The following MAPK10 variants were observed in gnomAD, a reference collection of about 807,000 sequenced individuals.
The protein encoded by MAPK10 is mitogen-activated protein kinase 10.
MAPK10 carries 25 observed loss-of-function variants against 59.3 expected under a neutral mutation model. The observed-to-expected ratio is 0.42, with a 90% CI of 0.31 to 0.59. The LOEUF (loss-of-function observed/expected upper bound fraction) is 0.59, where lower values mean the gene tolerates loss of function less well. Among genes scored for constraint, MAPK10 ranks in the 20% least tolerant of loss-of-function variants. The pLI is 0.15. For synonymous variants in MAPK10, 190 were observed against 200.5 expected (o/e 0.95, Z 0.44); for missense variants, 351 against 568.9 (o/e 0.62, Z 3.90).
intron 1 of MAPK10, among the ~76,000 whole-genome samples, chr4:86,436,021 T>C (rs1228866177): frequency 6.6e-6 from 1 of 152,234 alleles, no homozygotes; most frequent in Non-Finnish European, 1.5e-5. Flanking sequence ...TAAAAATTCC[T>C]ATACAGAAGC....
intron 2 of MAPK10, among the ~76,000 whole-genome samples, chr4:86,271,782 C>T (rs1012443685): frequency 2.0e-5 from 3 of 151,994 alleles, no homozygotes; most frequent in African/African-American, 7.2e-5. Flanking sequence ...CCTATAAAAA[C>T]ATCAAATCTC....
chr4:86,447,797 T>C (rs1333670668), intron 1 of MAPK10, among the ~76,000 whole-genome samples: 1 of 152,212 alleles, frequency 6.6e-6, no homozygotes, highest in Non-Finnish European at 1.5e-5. Flanking sequence ...TAAAAATACA[T>C]ATATGTGTGT....
rs1754695585 is a variant in MAPK10, at chr4:86,494,281, A to T, written c.-263+99629T>A. Among the ~76,000 whole-genome samples, 5 of 152,214 alleles carry T rather than the reference A, an allele frequency of 3.3e-5. No individual in the cohort carries two copies. The South Asian group carries it at 1.0e-3, about 32-fold the overall frequency. Reference sequence around the variant, plus strand: ...CAGAAAGGGGCAGTGGAAGTCTGGCAGGACAGCAGTACTCTGGGTCCACAT... The same window carrying T: ...CAGAAAGGGGCAGTGGAAGTCTGGCTGGACAGCAGTACTCTGGGTCCACAT... On this transcript the variant is annotated intron_variant, in intron 1 of 4. Transcript: ENST00000502302.
chr4:86,181,901 G>C (rs2149284881), intron 3 of MAPK10, among the ~76,000 whole-genome samples: 1 of 152,130 alleles, frequency 6.6e-6, no homozygotes, highest in Non-Finnish European at 1.5e-5. Context: ...TGAATAATCT[G>C]TTCAGTACAA....
At chr4:86,589,947 G>A (rs1400910544) in intron 1 of MAPK10, among the ~76,000 whole-genome samples, 5 of 149,148 alleles carry the variant, frequency 3.4e-5, no homozygotes, top group Admixed American at 6.7e-5. Context: ...TCGCGCCACT[G>A]CACTCCAGCC....
intron 2 of MAPK10, among the ~76,000 whole-genome samples, chr4:86,224,634 C>A (rs1197242216): frequency 6.6e-6 from 1 of 152,136 alleles, no homozygotes; most frequent in Admixed American, 6.5e-5. Context: ...GATATATTGA[C>A]GATCAAACAC....
chr4:86,578,510 G>A (rs577563682), intron 1 of MAPK10, among the ~76,000 whole-genome samples: 1 of 152,282 alleles, frequency 6.6e-6, no homozygotes, highest in African/African-American at 2.4e-5. Context: ...ACCTGAGATG[G>A]AGAATAAAGG....
intron 2 of MAPK10, among the ~76,000 whole-genome samples, chr4:86,234,292 T>C (rs1342308318): frequency 6.6e-6 from 1 of 152,184 alleles, no homozygotes; most frequent in African/African-American, 2.4e-5. Context: ...TAAATAGTAC[T>C]TTTTGTTATC....
chr4:86,070,128 C>T (rs2047530470), intron 9 of MAPK10, among the ~76,000 whole-genome samples: 1 of 152,128 alleles, frequency 6.6e-6, no homozygotes, highest in African/African-American at 2.4e-5. Context: ...AAATCTTTAT[C>T]ATTGTCAATG....
chr4:86,146,917 T>C (rs139728639), intron 4 of MAPK10, among the ~76,000 whole-genome samples: 22 of 152,294 alleles, frequency 1.4e-4, no homozygotes, highest in African/African-American at 5.3e-4. Context: ...GATGGCAGGA[T>C]CTTTGGTCCT....
chr4:86,398,587 C>T (rs902639563), intron 1 of MAPK10, among the ~76,000 whole-genome samples: 1 of 152,032 alleles, frequency 6.6e-6, no homozygotes, highest in Non-Finnish European at 1.5e-5. Context: ...TATTAATGTA[C>T]CTTGTTATTT....
rs189514116 is a variant in MAPK10, at chr4:86,109,222, T to A, written c.237-1870A>T. On this transcript the variant is annotated intron_variant, in intron 4 of 13. Coordinates refer to ENST00000641462, the MANE Select transcript of MAPK10 (RefSeq NM_138982.4). ...TTCCACACTATTCTTTTTCACTTTTTAAAAAAATTTATTTTATTTAAAGTT... is the reference window on the plus strand; with the variant it reads ...TTCCACACTATTCTTTTTCACTTTTAAAAAAAATTTATTTTATTTAAAGTT... Among the ~76,000 whole-genome samples, 416 of 152,322 alleles carry A rather than the reference T, an allele frequency of 2.7e-3. 2 individuals are homozygous for A. Among genetic ancestry groups the A allele is most frequent in the Admixed American group, 4.6e-3 (70 of 15,288 alleles).
At chr4:86,338,208 C>T (rs1352396688) in intron 2 of MAPK10, among the ~76,000 whole-genome samples, 1 of 152,292 alleles carries the variant, frequency 6.6e-6, no homozygotes, top group African/African-American at 2.4e-5. Context: ...CAGGCTTGAA[C>T]CCAAACTGGG....
intron 2 of MAPK10, among the ~76,000 whole-genome samples, chr4:86,309,838 A>G (rs987442921): frequency 9.9e-5 from 15 of 152,204 alleles, no homozygotes; most frequent in African/African-American, 2.7e-4. Context: ...GCTTGCAACA[A>G]TATGTGCCAG....
At chr4:86,531,769 G>A (rs1757867745) in intron 1 of MAPK10, among the ~76,000 whole-genome samples, 1 of 152,156 alleles carries the variant, frequency 6.6e-6, no homozygotes, top group East Asian at 1.9e-4. Flanking sequence ...GGAGGGGAGA[G>A]CTGAATGGCA....
At chr4:86,553,199 T>C (rs925125801) in intron 1 of MAPK10, among the ~76,000 whole-genome samples, 2 of 152,132 alleles carry the variant, frequency 1.3e-5, no homozygotes, top group South Asian at 2.1e-4. Flanking sequence ...AAATACCTAG[T>C]AGTGGTAGGC....
intron 1 of MAPK10, among the ~76,000 whole-genome samples, chr4:86,530,562 G>C (rs1579494530): frequency 6.6e-6 from 1 of 152,170 alleles, no homozygotes; most frequent in East Asian, 1.9e-4. Context: ...CTGGAGGCTG[G>C]AAAGTCCAAG....
chr4:86,442,927 A>T (rs1749582999), intron 1 of MAPK10, among the ~76,000 whole-genome samples: 1 of 152,160 alleles, frequency 6.6e-6, no homozygotes, highest in African/African-American at 2.4e-5. Context: ...TTCTAACAAC[A>T]AGGCAAAGCT....
At chr4:86,146,221 C>G (rs769285261) in intron 4 of MAPK10, among the ~76,000 whole-genome samples, 1 of 152,174 alleles carries the variant, frequency 6.6e-6, no homozygotes, top group Non-Finnish European at 1.5e-5. Context: ...AGTGCCTACT[C>G]TGCAAGGAAC....
Sources: gnomAD v4.1 joint callset for allele counts (sites outside exome capture counted in the v4.1 genomes callset) on GRCh38, gnomAD v4.1.1 for gene constraint, MANE v1.5 for transcripts, NCBI Gene and HGNC (gene_info 2026-07-23, HGNC 2026-07-21) for gene names.